Variants in CSMD1 observed in about 807,000 individuals in gnomAD.
CSMD1 encodes CUB and Sushi multiple domains 1.
CSMD1 carries 213 observed loss-of-function variants against 417.5 expected under a neutral mutation model. The observed-to-expected ratio is 0.51, with a 90% CI of 0.46 to 0.57. The LOEUF (loss-of-function observed/expected upper bound fraction) is 0.57, where lower values mean the gene tolerates loss of function less well. CSMD1 is among the 20% of genes least tolerant of loss of function. The pLI is 0.00. For missense variants in CSMD1, 6,923 were observed against 4,529.7 expected (o/e 1.53, Z -15.17); for synonymous variants, 2,862 against 1,736.8 (o/e 1.65, Z -16.11).
intron 20 of CSMD1, among the ~76,000 whole-genome samples, chr8:3,362,238 G>A (rs1809235929): frequency 1.3e-5 from 2 of 152,152 alleles, no homozygotes; most frequent in African/African-American, 2.4e-5. Flanking sequence ...GTTATCATTA[G>A]CACAAATTTT....
At chr8:3,472,971 A>C (rs1817191166) in intron 11 of CSMD1, among the ~76,000 whole-genome samples, 1 of 152,102 alleles carries the variant, frequency 6.6e-6, no homozygotes, top group South Asian at 2.1e-4. Context: ...CTGAACACTG[A>C]TTATCTCACA....
At chr8:3,061,562 G>A (rs1812590542) in intron 49 of CSMD1, among the ~76,000 whole-genome samples, 1 of 152,134 alleles carries the variant, frequency 6.6e-6, no homozygotes, top group African/African-American at 2.4e-5. Context: ...TTGGCCAGGG[G>A]TTGACAGTGT....
chr8:3,506,819 A>G (rs1018457159), intron 10 of CSMD1, among the ~76,000 whole-genome samples: 44 of 152,312 alleles, frequency 2.9e-4, no homozygotes, highest in African/African-American at 1.1e-3. Context: ...AATGCTTTTC[A>G]AGGTCTTAAA....
At chr8:3,574,001 G>A (rs1800046029) in intron 10 of CSMD1, among the ~76,000 whole-genome samples, 1 of 151,956 alleles carries the variant, frequency 6.6e-6, no homozygotes, top group Non-Finnish European at 1.5e-5. Flanking sequence ...AATGAAACAT[G>A]ATTATGAGTA....
intron 8 of CSMD1, among the ~76,000 whole-genome samples, chr8:3,595,338 T>C (rs138480645): frequency 6.6e-4 from 100 of 152,348 alleles, no homozygotes; most frequent in African/African-American, 2.2e-3. Context: ...GCTGTGGATA[T>C]TGAAATGCCT....
chr8:4,584,934 G>A (rs915439984), intron 2 of CSMD1, among the ~76,000 whole-genome samples: 5 of 152,210 alleles, frequency 3.3e-5, no homozygotes, highest in Admixed American at 1.3e-4. Context: ...AAGGAGATCA[G>A]CCCCAGTCTA....
At chr8:4,113,118 T>C (rs1056353460) in intron 3 of CSMD1, among the ~76,000 whole-genome samples, 6 of 152,188 alleles carry the variant, frequency 3.9e-5, no homozygotes, top group Non-Finnish European at 7.3e-5. Context: ...GTGTTCTTAC[T>C]GTTCCACTCA....
rs149681813 is a variant in CSMD1 at position 4,313,149 on chromosome 8, C to T, written c.415+106804G>A. Among the ~76,000 whole-genome samples, 16 of 152,264 alleles carry T rather than the reference C, an allele frequency of 1.1e-4. No individual in the cohort carries two copies. In the East Asian group the frequency reaches 2.9e-3, roughly 28 times the overall value. On this transcript the variant is annotated intron_variant, in intron 3 of 69. Coordinates refer to ENST00000635120, the MANE Select transcript of CSMD1 (RefSeq NM_033225.6). ...CCCTTAGACAGTGAGCAAGCTGGAA[C>T]TGGTCTTTAATTTCTAATCTACTAA...
At chr8:3,587,895 G>T (rs556513615) in intron 8 of CSMD1, among the ~76,000 whole-genome samples, 3 of 151,810 alleles carry the variant, frequency 2.0e-5, no homozygotes, top group Non-Finnish European at 4.4e-5. Context: ...TGAGAAACCC[G>T]GCATCATAAG....
intron 30 of CSMD1, among the ~76,000 whole-genome samples, chr8:3,211,120 C>T (rs1167103368): frequency 6.6e-6 from 1 of 152,164 alleles, no homozygotes; most frequent in Middle Eastern, 3.2e-3. Flanking sequence ...TCACGGCTCA[C>T]TGCAGCCTCA....
Position 4,753,433 on chromosome 8 carries a change from AC to A in CSMD1, c.86-115876del, listed in dbSNP as rs1811472686. ...CACACACACACACACACACACACAC[AC>A]ACACACACACACATGCGCACACACT... On this transcript the variant is annotated intron_variant, in intron 1 of 69. Coordinates refer to ENST00000635120, the MANE Select transcript of CSMD1 (RefSeq NM_033225.6). Among the ~76,000 whole-genome samples the A allele has an allele frequency of 5.2e-5, 6 of 114,488 alleles. No homozygotes were observed. In the Admixed American group the frequency reaches 6.0e-4, roughly 11 times the overall value. 75.1% of individuals were successfully genotyped at this position (114,488 alleles called of 152,430 possible).
chr8:4,196,803 C>A (rs1000868936), intron 3 of CSMD1, among the ~76,000 whole-genome samples: 8 of 152,062 alleles, frequency 5.3e-5, no homozygotes, highest in Admixed American at 3.3e-4. Context: ...TTCACAGGCT[C>A]CAGGGATTAA....
At chr8:3,267,809 G>A (rs1478648196) in intron 26 of CSMD1, among the ~76,000 whole-genome samples, 1 of 152,152 alleles carries the variant, frequency 6.6e-6, no homozygotes. Flanking sequence ...AGAGGCCGGG[G>A]CTGATGTCAC....
chr8:4,165,082 G>T (rs377107144), intron 3 of CSMD1, among the ~76,000 whole-genome samples: 1 of 152,110 alleles, frequency 6.6e-6, no homozygotes, highest in Non-Finnish European at 1.5e-5. Context: ...GGTGGGTACA[G>T]ATGTGTGTTT....
chr8:4,460,023 A>T (rs1411429358), intron 2 of CSMD1, among the ~76,000 whole-genome samples: 1 of 152,208 alleles, frequency 6.6e-6, no homozygotes, highest in African/African-American at 2.4e-5. Flanking sequence ...AACTGGAATG[A>T]ACAGACATCT....
Position 3,396,300 on chromosome 8 carries a change from G to C in CSMD1, c.2487C>G (p.His829Gln), listed in dbSNP as rs371220576. ...ASSSPLIGEYHGTQAPQFLIS... is the reference protein window; with the variant it reads ...ASSSPLIGEYQGTQAPQFLIS... ...TGAGGAACTGGGGTGCCTGGGTGCC[G>C]TGGTACTCGCCGATCAGTGGGGACG... Residue 829 changes from histidine (H) to glutamine (Q), a missense_variant, in exon 17 of 70, where the codon CAC becomes CAG. By Grantham distance (24) the His-to-Gln change is conservative (BLOSUM62 0). Coordinates refer to ENST00000635120, the MANE Select transcript of CSMD1 (RefSeq NM_033225.6). 309 of 1,605,680 alleles carry C rather than the reference G, an allele frequency of 1.9e-4. 1 individual carries two copies. The highest frequency in any genetic ancestry group is 8.9e-4 in the South Asian group (79 of 88,988).
chr8:3,121,167 A>G (rs1452782074), intron 41 of CSMD1, among the ~76,000 whole-genome samples: 1 of 152,040 alleles, frequency 6.6e-6, no homozygotes, highest in Non-Finnish European at 1.5e-5. Flanking sequence ...GATTGTATAG[A>G]TTTCTGTGTA....
chr8:4,559,022 T>G (rs947890990), intron 2 of CSMD1, among the ~76,000 whole-genome samples: 1 of 152,102 alleles, frequency 6.6e-6, no homozygotes, highest in Non-Finnish European at 1.5e-5. Flanking sequence ...CATCGTAGAG[T>G]TCTTTGCAAA....
At chr8:4,357,247 G>C (rs1225851364) in intron 3 of CSMD1, among the ~76,000 whole-genome samples, 1 of 152,138 alleles carries the variant, frequency 6.6e-6, no homozygotes, top group Non-Finnish European at 1.5e-5. Context: ...GCTAGAATTA[G>C]AGGTTCAGGG....
Sources: allele counts gnomAD v4.1 joint callset (sites outside exome capture counted in the v4.1 genomes callset), GRCh38; gene constraint gnomAD v4.1.1; transcripts MANE v1.5; gene names NCBI Gene and HGNC (gene_info 2026-07-23, HGNC 2026-07-21).